ADAMTSL1: variants seen among roughly 807,000 people sequenced by gnomAD.
The protein encoded by ADAMTSL1 is ADAMTS like 1.
A neutral mutation model predicts 201.8 loss-of-function variants in ADAMTSL1; 126 were observed. That is an observed-to-expected ratio of 0.62 (90% CI 0.54 to 0.72). The LOEUF (loss-of-function observed/expected upper bound fraction) is 0.72. ADAMTSL1 is among the 30% of genes least tolerant of loss of function. The pLI is 0.00. For synonymous variants in ADAMTSL1, 1,121 were observed against 903.4 expected, an observed-to-expected ratio of 1.24 and a Z score of -4.32; for missense variants, 2,679 against 2,277.8, an observed-to-expected ratio of 1.18 and a Z score of -3.59.
intron 2 of ADAMTSL1, among the ~76,000 whole-genome samples, chr9:18,449,097 A>T (rs1364708344): frequency 1.3e-4 from 9 of 69,534 alleles, no homozygotes; most frequent in South Asian, 5.7e-4. Context: ...TTCCGCATTT[A>T]TTCATGTGAG....
intron 1 of ADAMTSL1, among the ~76,000 whole-genome samples, chr9:17,948,976 G>A (rs1251257536): frequency 6.6e-6 from 1 of 152,114 alleles, no homozygotes; most frequent in African/African-American, 2.4e-5. Flanking sequence ...CTGTATTGAG[G>A]ATCAGATAGC....
chr9:18,018,608 A>G (rs147429264), intron 1 of ADAMTSL1, among the ~76,000 whole-genome samples: 46 of 152,182 alleles, frequency 3.0e-4, no homozygotes, highest in Non-Finnish European at 5.6e-4. Flanking sequence ...GTATTAAGAA[A>G]GGATTGAATC....
At chr9:18,145,183 T>TG (rs1826583352) in intron 1 of ADAMTSL1, among the ~76,000 whole-genome samples, 2 of 152,182 alleles carry the variant, frequency 1.3e-5, no homozygotes, top group Admixed American at 6.5e-5. Flanking sequence ...TAGAAAACTT[T>TG]AAAAGCTCAA....
intron 26 of ADAMTSL1, among the ~76,000 whole-genome samples, chr9:18,900,330 G>T (rs1829932921): frequency 1.3e-5 from 2 of 152,198 alleles, no homozygotes; most frequent in Non-Finnish European, 2.9e-5. Flanking sequence ...CTGTTGGTGA[G>T]AATATAAATT....
At chr9:18,337,401 G>A (rs771003867) in intron 2 of ADAMTSL1, among the ~76,000 whole-genome samples, 1 of 152,126 alleles carries the variant, frequency 6.6e-6, no homozygotes, top group Non-Finnish European at 1.5e-5. Context: ...GCTTTACCTT[G>A]TGATGGTGTG....
chr9:18,238,240 A>T (rs1830924419), intron 2 of ADAMTSL1, among the ~76,000 whole-genome samples: 1 of 152,190 alleles, frequency 6.6e-6, no homozygotes. Context: ...TCTCCTATAT[A>T]GTTTTGAAAC....
intron 23 of ADAMTSL1, among the ~76,000 whole-genome samples, chr9:18,844,523 C>G (rs1825959169): frequency 6.6e-6 from 1 of 152,196 alleles, no homozygotes; most frequent in Non-Finnish European, 1.5e-5. Flanking sequence ...TGCCCATTCT[C>G]AGATCTCCAG....
At chr9:17,963,805 C>T (rs546488810) in intron 1 of ADAMTSL1, among the ~76,000 whole-genome samples, 3 of 151,982 alleles carry the variant, frequency 2.0e-5, no homozygotes, top group East Asian at 1.9e-4. Context: ...GAAAGATTCC[C>T]AGGAAGAAAA....
Position 18,718,102 on chromosome 9 carries a change from T to C in ADAMTSL1, c.1877-3434T>C, listed in dbSNP as rs1478512947. On this transcript the variant is annotated intron_variant, in intron 14 of 28. Transcript: ENST00000380548. ...TGAATTTTGTAGAAGAATCTAAGAA[T>C]GCACAGTTGTTCCATTGTCTTGCTA... The C allele has an allele frequency of 2.3e-6, 3 of 1,286,930 alleles. No individual in the cohort carries two copies. The East Asian group carries it at 6.9e-5, about 30-fold the overall frequency. 79.7% of individuals were successfully genotyped at this position (1,286,930 alleles called of 1,614,324 possible).
At chr9:18,640,188 G>A (rs557430979) in intron 7 of ADAMTSL1, among the ~76,000 whole-genome samples, 20 of 152,244 alleles carry the variant, frequency 1.3e-4, no homozygotes, top group African/African-American at 4.8e-4. Context: ...AGTAAGGTTA[G>A]AGGGAGAAAG....
chr9:18,581,147 AG>A (rs1268988246), intron 4 of ADAMTSL1, among the ~76,000 whole-genome samples: 2 of 152,112 alleles, frequency 1.3e-5, no homozygotes, highest in Non-Finnish European at 2.9e-5. Flanking sequence ...AACTTCTAAT[AG>A]TAGCCATCAA....
intron 23 of ADAMTSL1, among the ~76,000 whole-genome samples, chr9:18,850,600 A>G (rs944668814): frequency 1.2e-4 from 19 of 152,184 alleles, no homozygotes; most frequent in African/African-American, 4.3e-4. Context: ...GCTGTTTCCA[A>G]ATCCTCAGCA....
At chr9:18,281,367 C>T (rs1832780698) in intron 2 of ADAMTSL1, among the ~76,000 whole-genome samples, 1 of 152,148 alleles carries the variant, frequency 6.6e-6, no homozygotes, top group African/African-American at 2.4e-5. Context: ...AGACACCGCA[C>T]TCACCAGACT....
intron 15 of ADAMTSL1, among the ~76,000 whole-genome samples, chr9:18,741,839 T>C (rs1354479178): frequency 6.6e-6 from 1 of 152,192 alleles, no homozygotes; most frequent in Non-Finnish European, 1.5e-5. Context: ...GCTTTTCTTG[T>C]GTAGGGTGTT....
chr9:18,011,114 A>G (rs1268024812), intron 1 of ADAMTSL1, among the ~76,000 whole-genome samples: 1 of 152,016 alleles, frequency 6.6e-6, no homozygotes, highest in African/African-American at 2.4e-5. Context: ...AAATGACATG[A>G]AGGTGCTGAA....
chr9:18,764,121 C>T (rs550772774), intron 16 of ADAMTSL1, among the ~76,000 whole-genome samples: 1 of 152,112 alleles, frequency 6.6e-6, no homozygotes, highest in Non-Finnish European at 1.5e-5. Context: ...CCTTCCAATC[C>T]ATGAACATGG....
chr9:18,012,554 T>A (rs1586893836), intron 1 of ADAMTSL1, among the ~76,000 whole-genome samples: 1 of 152,128 alleles, frequency 6.6e-6, no homozygotes, highest in East Asian at 1.9e-4. Flanking sequence ...AACATTGCTT[T>A]CCAACTACGG....
chr9:18,614,061 G>C (rs1011784443), intron 4 of ADAMTSL1, among the ~76,000 whole-genome samples: 1 of 152,150 alleles, frequency 6.6e-6, no homozygotes, highest in South Asian at 2.1e-4. Flanking sequence ...ACTCAGGGCT[G>C]TCCTAAGATG....
chr9:18,110,582 T>G (rs893240180), intron 1 of ADAMTSL1, among the ~76,000 whole-genome samples: 5 of 152,152 alleles, frequency 3.3e-5, no homozygotes, highest in Non-Finnish European at 1.5e-5. Context: ...AGCTAGTGAT[T>G]CACTGTCTCT....
Sources: allele counts gnomAD v4.1 joint callset (sites outside exome capture counted in the v4.1 genomes callset), GRCh38; gene constraint gnomAD v4.1.1; transcripts MANE v1.5; gene names NCBI Gene and HGNC (gene_info 2026-07-23, HGNC 2026-07-21).